MGMT: variants seen among roughly 807,000 people sequenced by gnomAD.
MGMT encodes the protein O-6-methylguanine-DNA methyltransferase.
A neutral mutation model predicts 15.9 loss-of-function variants in MGMT; 14 were observed. The observed-to-expected ratio is 0.88, with a 90% CI of 0.58 to 1.37. The LOEUF (loss-of-function observed/expected upper bound fraction) is 1.37, where lower values mean the gene tolerates loss of function less well. MGMT is among the 40% of genes most tolerant of loss of function. The pLI is 0.00. For missense variants in MGMT, 282 were observed against 268.1 expected (o/e 1.05, Z -0.36); for synonymous variants, 130 against 118.2 (o/e 1.10, Z -0.65).
At chr10:129,646,719 A>AATATATACATATATATATAT (rs1847393057) in intron 2 of MGMT, among the ~76,000 whole-genome samples, 17 of 81,694 alleles carry the variant, frequency 2.1e-4, no homozygotes, top group African/African-American at 7.6e-4. Flanking sequence ...GCCCATCAGA[A>AATATATACATATATATATAT]ATATATATAT....
chr10:129,689,199 G>T lies in MGMT; in HGVS notation c.126-18696G>T, dbSNP rs146358797. Among the ~76,000 whole-genome samples the T allele has an allele frequency of 2.9e-3, 443 of 152,330 alleles. 2 individuals carry two copies. Among genetic ancestry groups the T allele is most frequent in the African/African-American group, 9.9e-3 (410 of 41,572 alleles). On this transcript the variant is annotated intron_variant, in intron 2 of 4. Coordinates refer to ENST00000651593, the MANE Select transcript of MGMT (RefSeq NM_002412.5). Reference sequence around the variant, plus strand: ...CCTGCCCCAGCCTCCAAAGTGCTGGGATTACAGGTGTGTGCCACTGCGCCC... The same window carrying T: ...CCTGCCCCAGCCTCCAAAGTGCTGGTATTACAGGTGTGTGCCACTGCGCCC...
chr10:129,593,576 TG>T (rs1846715235), intron 2 of MGMT, among the ~76,000 whole-genome samples: 1 of 152,236 alleles, frequency 6.6e-6, no homozygotes, highest in Non-Finnish European at 1.5e-5. Flanking sequence ...CGTCCCCTTC[TG>T]ACATTCTCTT....
intron 3 of MGMT, among the ~76,000 whole-genome samples, chr10:129,710,614 G>T (rs769656980): frequency 5.3e-5 from 8 of 152,184 alleles, no homozygotes; most frequent in African/African-American, 7.2e-5. Flanking sequence ...TTGCTAACAG[G>T]GAGTTAATTG....
intron 1 of MGMT, among the ~76,000 whole-genome samples, chr10:129,473,351 T>C (rs572387518): frequency 6.6e-6 from 1 of 152,342 alleles, no homozygotes; most frequent in Non-Finnish European, 1.5e-5. Flanking sequence ...ATGGTTCAGC[T>C]CACCCTGGTG....
At chr10:129,617,313 C>G (rs572033167) in intron 2 of MGMT, among the ~76,000 whole-genome samples, 2 of 152,172 alleles carry the variant, frequency 1.3e-5, no homozygotes, top group Non-Finnish European at 2.9e-5. Context: ...ACCACATGTT[C>G]TTTATCCAGT....
At chr10:129,592,294 A>T (rs1368147551) in intron 2 of MGMT, among the ~76,000 whole-genome samples, 6 of 152,260 alleles carry the variant, frequency 3.9e-5, no homozygotes, top group Non-Finnish European at 8.8e-5. Context: ...AGTGAAAATC[A>T]TAATTTTGAG....
In MGMT at chr10:129,735,292, A is replaced by G. The variant is rs1294073302; in HGVS notation, c.275-23910A>G. The stretch of plus-strand genomic sequence containing the variant: ...CTTCTTCCTGGTTTAGTCTTGGGAG[A>G]GTGTATGTGTCAAGGAATTTATCCA... On this transcript the variant is annotated intron_variant, in intron 3 of 4. Coordinates refer to ENST00000651593, the MANE Select transcript of MGMT (RefSeq NM_002412.5). Among the ~76,000 whole-genome samples the G allele has an allele frequency of 1.3e-5, 2 of 151,952 alleles. 1 individual carries two copies. The highest frequency in any genetic ancestry group is 2.9e-5 in the Non-Finnish European group (2 of 67,974).
At position 129,770,648 on chromosome 10, in the gene MGMT, C is replaced by T. The variant is rs1296519660; in HGVS notation, c.*3651C>T. 1.3e-5 allele frequency among the ~76,000 whole-genome samples: 2 copies of T among 152,256 alleles called. No homozygotes were observed. Among genetic ancestry groups the T allele is most frequent in the African/African-American group, 4.8e-5 (2 of 41,466 alleles). On this transcript the variant is annotated 3_prime_UTR_variant, in exon 5 of 5. Transcript: ENST00000651593. ...AGATCTTAGTGCTACTTGGGCTTCTCACAGCACAGAGGAGGATTCTGAAGT... is the reference window on the plus strand; with the variant it reads ...AGATCTTAGTGCTACTTGGGCTTCTTACAGCACAGAGGAGGATTCTGAAGT...
chr10:129,702,983 A>G (rs1011491664), intron 2 of MGMT, among the ~76,000 whole-genome samples: 2 of 152,194 alleles, frequency 1.3e-5, no homozygotes, highest in South Asian at 2.1e-4. Context: ...AGGAGAGGGC[A>G]GGGCAGGAGA....
intron 2 of MGMT, among the ~76,000 whole-genome samples, chr10:129,695,479 A>G (rs1848019964): frequency 6.6e-6 from 1 of 152,252 alleles, no homozygotes; most frequent in Non-Finnish European, 1.5e-5. Context: ...CAATCCTCAT[A>G]TAATCCATGC....
Position 129,767,022 on chromosome 10 carries a change from G to T in MGMT, c.*25G>T. On this transcript the variant is annotated 3_prime_UTR_variant, in exon 5 of 5. Transcript: ENST00000651593. Reference sequence around the variant, plus strand: ...AGTATGTGCAGTAGGATGGATGTTTGAGCGACACACACGTGTAACACTGCA... The same window carrying T: ...AGTATGTGCAGTAGGATGGATGTTTTAGCGACACACACGTGTAACACTGCA... The T allele has an allele frequency of 6.4e-7, 1 of 1,557,124 alleles. No homozygotes were observed. Among genetic ancestry groups the T allele is most frequent in the South Asian group, 1.2e-5 (1 of 82,190 alleles).
In MGMT at chr10:129,768,587, C is replaced by T. The variant is rs1157286554; in HGVS notation, c.*1590C>T. Among the ~76,000 whole-genome samples the T allele has an allele frequency of 6.6e-6, 1 of 152,258 alleles. No homozygotes were observed. On this transcript the variant is annotated 3_prime_UTR_variant, in exon 5 of 5. Transcript: ENST00000651593. ...GTGTCCCCCACAGATGATGGCCCTC[C>T]CCAGTGATGGCCGGTCACCAGGCAC...
rs143382921 is a variant in MGMT, at chr10:129,607,652, A to C, written c.125+71275A>C. ...TACAAATTGCTGGAATTGTTCATTA[A>C]TTTCTGTCTTTGAAATGCCATGTCA... On this transcript the variant is annotated intron_variant, in intron 2 of 4. Coordinates refer to ENST00000651593, the MANE Select transcript of MGMT (RefSeq NM_002412.5). Among the ~76,000 whole-genome samples, 1,276 of 152,310 alleles carry C rather than the reference A, an allele frequency of 8.4e-3. 10 individuals are homozygous for C. Among genetic ancestry groups the C allele is most frequent in the Non-Finnish European group, 0.015 (1,012 of 68,034 alleles).
intron 1 of MGMT, among the ~76,000 whole-genome samples, chr10:129,535,316 A>T (rs1247075689): frequency 2.0e-5 from 3 of 152,180 alleles, no homozygotes; most frequent in African/African-American, 7.2e-5. Flanking sequence ...GGATCGCTAG[A>T]GCCCAGGAGT....
intron 1 of MGMT, among the ~76,000 whole-genome samples, chr10:129,514,892 CAGTG>C (rs1336765266): frequency 2.6e-5 from 4 of 152,236 alleles, no homozygotes; most frequent in Admixed American, 1.3e-4. Flanking sequence ...TGGCCTAACA[CAGTG>C]AGCATGCCCC....
chr10:129,506,974 T>C (rs1452070619), intron 1 of MGMT, among the ~76,000 whole-genome samples: 1 of 152,184 alleles, frequency 6.6e-6, no homozygotes, highest in Non-Finnish European at 1.5e-5. Context: ...CAGTCTTCAC[T>C]CTGCCACTTA....
At chr10:129,747,132 A>G (rs1226260664) in intron 3 of MGMT, among the ~76,000 whole-genome samples, 1 of 152,200 alleles carries the variant, frequency 6.6e-6, no homozygotes, top group Admixed American at 6.5e-5. Context: ...TTTATTTAGT[A>G]ACCTTGTATC....
At chr10:129,557,696 C>G (rs1305027714) in intron 2 of MGMT, among the ~76,000 whole-genome samples, 1 of 152,074 alleles carries the variant, frequency 6.6e-6, no homozygotes, top group Non-Finnish European at 1.5e-5. Context: ...AACAGGAACC[C>G]ATTATAATTT....
In MGMT at chr10:129,548,047, G is replaced by A. The variant is rs78005778; in HGVS notation, c.125+11670G>A. On this transcript the variant is annotated intron_variant, in intron 2 of 4. Coordinates refer to ENST00000651593, the MANE Select transcript of MGMT (RefSeq NM_002412.5). Reference sequence around the variant, plus strand: ...TTCTAGCCACAGAGTTTTCTGCCAGGGTGTTTAGACAAGCTAAAAGTGGAA... The same window carrying A: ...TTCTAGCCACAGAGTTTTCTGCCAGAGTGTTTAGACAAGCTAAAAGTGGAA... 2.1e-3 allele frequency among the ~76,000 whole-genome samples: 327 copies of A among 152,302 alleles called. 9 individuals carry two copies. In the East Asian group the frequency reaches 0.054, roughly 25 times the overall value.
Sources: allele counts gnomAD v4.1 joint callset (sites outside exome capture counted in the v4.1 genomes callset), GRCh38; gene constraint gnomAD v4.1.1; transcripts MANE v1.5; gene names NCBI Gene and HGNC (gene_info 2026-07-23, HGNC 2026-07-21).